Variants in HEPH observed in about 807,000 individuals in gnomAD.
The protein encoded by HEPH is hephaestin.
In HEPH, 69 loss-of-function variants were observed where a neutral mutation model predicts 80.8. That is an observed-to-expected ratio of 0.85 (90% confidence interval 0.70 to 1.04). The LOEUF (loss-of-function observed/expected upper bound fraction) is 1.04. HEPH is among the 50% of genes least tolerant of loss of function. The pLI is 0.00. For synonymous variants in HEPH, 431 were observed against 322.8 expected (o/e 1.34, Z -3.60); for missense variants, 1,115 against 891.3 (o/e 1.25, Z -3.20).
At chrX:66,164,143 TTGTAATTCCTCCTGA>T (rs2086265652), upstream of HEPH, 3 of 683,700 alleles carry the variant, frequency 4.4e-6, no homozygotes, top group Non-Finnish European at 5.2e-6. Flanking sequence ...ACCCACCCCC[TTGTAATTCCTCCTGA>T]GATCCTAACC....
intron 15 of HEPH, among the ~76,000 whole-genome samples, chrX:66,232,578 A>T (rs758733693): frequency 1.8e-5 from 2 of 111,206 alleles, no homozygotes; most frequent in East Asian, 5.6e-4. Flanking sequence ...GTTGGTTAAT[A>T]TGTGGTGCAA....
intron 15 of HEPH, among the ~76,000 whole-genome samples, chrX:66,229,915 TCCCTCCC>T (rs1418956725): frequency 4.0e-5 from 3 of 74,365 alleles, no homozygotes; most frequent in Non-Finnish European, 7.6e-5. Context: ...CCCAATGCTA[TCCCTCCC>T]CCCTCCCCCC....
chrX:66,207,288 G>T lies in HEPH; in HGVS notation c.2385G>T (p.Arg795Ser), dbSNP rs2088843575. 4.2e-6 allele frequency: 5 copies of T among 1,202,509 alleles called. No homozygotes were observed. The highest frequency in any genetic ancestry group is 5.6e-6 in the Non-Finnish European group (5 of 890,198). Residue 795 changes from arginine (R) to serine (S), a missense_variant, in exon 14 of 21, where the codon AGG becomes AGT. Transcript: ENST00000343002. ...GGGAATACACTGATGGTACATTCAGGATCCCTCGGCCAAGGACTGGACCAG... is the reference window on the plus strand; with the variant it reads ...GGGAATACACTGATGGTACATTCAGTATCCCTCGGCCAAGGACTGGACCAG... ...VFREYTDGTF[R>S]IPRPRTGPEE...
At chrX:66,232,508 A>G (rs1420045079) in intron 15 of HEPH, among the ~76,000 whole-genome samples, 1 of 111,608 alleles carries the variant, frequency 9.0e-6, no homozygotes, top group Non-Finnish European at 1.9e-5. Context: ...AGCAATTTTT[A>G]TGTTTTAATA....
chrX:66,256,048 T>A, intron 16 of HEPH, 57 bp from the exon 17 acceptor site: 1 of 970,084 alleles, frequency 1.0e-6, no homozygotes, highest in Non-Finnish European at 1.4e-6. Flanking sequence ...TGCGGAGTAC[T>A]GCTACCCAGA....
intron 15 of HEPH, among the ~76,000 whole-genome samples, chrX:66,251,754 G>A (rs1376102352): frequency 9.0e-6 from 1 of 111,571 alleles, no homozygotes; most frequent in African/African-American, 3.3e-5. Context: ...TGATCTCAAT[G>A]TATTTAAGGA....
chrX:66,231,277 T>A (rs2148010251), intron 15 of HEPH, among the ~76,000 whole-genome samples: 1 of 109,039 alleles, frequency 9.2e-6, no homozygotes, highest in African/African-American at 3.4e-5. Flanking sequence ...TTTGGTTCCA[T>A]ATGAACTTTG....
At chrX:66,197,596 G>A (rs1381755614) in intron 9 of HEPH, 87 bp from the exon 10 acceptor site, 1 of 786,670 alleles carries the variant, frequency 1.3e-6, no homozygotes, top group Non-Finnish European at 1.9e-6. Flanking sequence ...AAATGCCTTT[G>A]TAGTTCATAA....
chrX:66,226,992 T>G (rs1461057660), intron 15 of HEPH, among the ~76,000 whole-genome samples: 5 of 111,349 alleles, frequency 4.5e-5, no homozygotes, highest in Non-Finnish European at 1.9e-5. Flanking sequence ...AAAAGAGAAC[T>G]ACAGACCAAT....
intron 9 of HEPH, among the ~76,000 whole-genome samples, chrX:66,195,712 C>T (rs1035245666): frequency 9.0e-6 from 1 of 110,678 alleles, no homozygotes; most frequent in Non-Finnish European, 1.9e-5. Flanking sequence ...AAGGATTTGT[C>T]GAAATTTATT....
chrX:66,188,102 A>G, intron 4 of HEPH, among the ~76,000 whole-genome samples: 1 of 111,499 alleles, frequency 9.0e-6, no homozygotes, highest in East Asian at 2.8e-4. Context: ...TGGGTTGAAG[A>G]CATAGGCAGG....
chrX:66,256,006 G>T (rs946529557), intron 16 of HEPH, 99 bp from the exon 17 acceptor site: 6 of 524,256 alleles, frequency 1.1e-5, no homozygotes, highest in African/African-American at 4.7e-5. Flanking sequence ...ATGCTGAGAG[G>T]CACAGTGGGC....
intron 15 of HEPH, among the ~76,000 whole-genome samples, chrX:66,239,534 T>C (rs1049030312): frequency 8.9e-6 from 1 of 111,753 alleles, no homozygotes; most frequent in Non-Finnish European, 1.9e-5. Context: ...CTCTATGTGA[T>C]AATTACTTTC....
upstream of HEPH, among the ~76,000 whole-genome samples, chrX:66,163,312 A>G (rs977705487): frequency 1.8e-5 from 2 of 110,655 alleles, no homozygotes; most frequent in African/African-American, 6.6e-5. Flanking sequence ...ATGACCTTTG[A>G]CTTTAAACAA....
In HEPH at chrX:66,251,835, A is replaced by T. The variant is rs768012364; in HGVS notation, c.2564-3200A>T. 3.6e-5 allele frequency among the ~76,000 whole-genome samples: 4 copies of T among 112,266 alleles called. No individual in the cohort carries two copies. The South Asian group carries it at 1.5e-3, about 42-fold the overall frequency. ...AATAATAAGAAATGAGTTTGTAGATATAAAGAATGATAAGTAAGATCATGT... is the reference window on the plus strand; with the variant it reads ...AATAATAAGAAATGAGTTTGTAGATTTAAAGAATGATAAGTAAGATCATGT... On this transcript the variant is annotated intron_variant, in intron 15 of 20. Coordinates refer to ENST00000343002, the MANE Select transcript of HEPH (RefSeq NM_001367233.3).
rs199833924 is a variant in HEPH at position 66,188,556 on chromosome X, G to C, written c.808+15G>C. On this transcript the variant is annotated intron_variant, in intron 5 of 20. Coordinates refer to ENST00000343002, the MANE Select transcript of HEPH (RefSeq NM_001367233.3). ...TAGGATGCATGGTGAGTTGGGAAAA[G>C]GTGGCCACATTGTGACAGGGAACAT... The C allele has an allele frequency of 1.7e-6, 2 of 1,189,123 alleles. No individual in the cohort carries two copies. Among genetic ancestry groups the C allele is most frequent in the Non-Finnish European group, 2.3e-6 (2 of 879,008 alleles).
chrX:66,168,722 T>C (rs1474745090), intron 1 of HEPH, among the ~76,000 whole-genome samples: 1 of 112,012 alleles, frequency 8.9e-6, no homozygotes, highest in African/African-American at 3.2e-5. Context: ...CTCAATTTTT[T>C]ATTAACAATG....
chrX:66,203,722 C>T (rs901706430), intron 13 of HEPH, 145 bp downstream of exon 13: 4 of 482,180 alleles, frequency 8.3e-6, no homozygotes, highest in Non-Finnish European at 1.4e-5. Flanking sequence ...TAATGCAGCT[C>T]TTATGAATTC....
At chrX:66,215,736 C>T (rs1428333488) in intron 15 of HEPH, among the ~76,000 whole-genome samples, 1 of 111,117 alleles carries the variant, frequency 9.0e-6, no homozygotes, top group Non-Finnish European at 1.9e-5. Context: ...CTGAGAGAAT[C>T]CACAGACCCT....
Sources: allele counts gnomAD v4.1 joint callset (sites outside exome capture counted in the v4.1 genomes callset), GRCh38; gene constraint gnomAD v4.1.1; transcripts MANE v1.5; gene names NCBI Gene and HGNC (gene_info 2026-07-23, HGNC 2026-07-21).